Variants in LARP1 observed in about 807,000 individuals in gnomAD.
LARP1 encodes la-related protein 1.
In LARP1, 36 loss-of-function variants were observed where a neutral mutation model predicts 122.7. That is an observed-to-expected ratio of 0.29 (90% CI 0.22 to 0.39). LARP1 has a LOEUF of 0.39. LARP1 is among the 10% of genes least tolerant of loss of function. LARP1 has a pLI of 1.00. For synonymous variants in LARP1, 539 were observed against 528.7 expected, an observed-to-expected ratio of 1.02 and a Z score of -0.27; for missense variants, 1,040 against 1,403.6, an observed-to-expected ratio of 0.74 and a Z score of 4.14.
intron 1 of LARP1, among the ~76,000 whole-genome samples, chr5:154,742,746 A>G (rs987455433): frequency 1.3e-5 from 2 of 151,154 alleles, no homozygotes; most frequent in Admixed American, 6.6e-5. Context: ...AAAAAAAAAG[A>G]AAAAAGAAAA....
At position 154,814,291 on chromosome 5, in the gene LARP1, C is replaced by A; in HGVS notation, c.*195C>A. 1 of 546,940 alleles carries A rather than the reference C, an allele frequency of 1.8e-6. No homozygotes were observed. The highest frequency in any genetic ancestry group is 3.0e-5 in the East Asian group (1 of 32,820). 33.9% of individuals were successfully genotyped at this position (546,940 alleles called of 1,614,324 possible). A position where few individuals can be genotyped will look rare whatever the true frequency, so the allele number is the denominator to read the frequency against. ...CCCTGGGCAGGAGCCTCTACATCCCCTTCCCCCTCCTCTCTCCATGACTCT... is the reference window on the plus strand; with the variant it reads ...CCCTGGGCAGGAGCCTCTACATCCCATTCCCCCTCCTCTCTCCATGACTCT... On this transcript the variant is annotated 3_prime_UTR_variant, in exon 19 of 19. Transcript: ENST00000518297.
At chr5:154,769,564 C>G (rs939935539) in intron 1 of LARP1, among the ~76,000 whole-genome samples, 16 of 152,094 alleles carry the variant, frequency 1.1e-4, no homozygotes, top group African/African-American at 3.4e-4. Context: ...ACTCACCTAG[C>G]TTTGTGGCCA....
intron 1 of LARP1, among the ~76,000 whole-genome samples, chr5:154,776,933 A>G (rs1366772777): frequency 2.6e-5 from 4 of 152,370 alleles, no homozygotes; most frequent in African/African-American, 9.6e-5. Flanking sequence ...AATACATACT[A>G]AGGAATATAA....
chr5:154,796,121 T>TTATATATATTTTATATATTTATATTA lies in LARP1; in HGVS notation c.1377+826_1377+827insTATATATATATTTTATATATTTATAT, dbSNP rs1757813979. Among the ~76,000 whole-genome samples, 9 of 104,196 alleles carry TTATATATATTTTATATATTTATATTA rather than the reference T, an allele frequency of 8.6e-5. No individual in the cohort carries two copies. In the South Asian group the frequency reaches 1.5e-3, roughly 17 times the overall value. The allele number at this position is 104,196 out of a possible 152,430, so 68.4% of individuals were successfully genotyped here. A position where few individuals can be genotyped will look rare whatever the true frequency, so the allele number is the denominator to read the frequency against. ...TATATATTTATATATAGTATATATA[T>TTATATATATTTTATATATTTATATTA]TATATATATTTTATATATTTATATA... On this transcript the variant is annotated intron_variant, in intron 8 of 18. Transcript: ENST00000518297.
At chr5:154,729,944 A>G (rs756681202) in intron 1 of LARP1, among the ~76,000 whole-genome samples, 11 of 152,210 alleles carry the variant, frequency 7.2e-5, no homozygotes, top group Non-Finnish European at 1.2e-4. Context: ...CTGCATGACT[A>G]CAACTGCATG....
At chr5:154,791,978 C>T (rs369321059) in intron 3 of LARP1, 43 of 456,028 alleles carry the variant, frequency 9.4e-5, no homozygotes, top group East Asian at 6.3e-4. Context: ...AGGTTAATTA[C>T]TAGCCCTTGA....
At chr5:154,762,368 G>A (rs2113600866) in intron 1 of LARP1, among the ~76,000 whole-genome samples, 1 of 152,178 alleles carries the variant, frequency 6.6e-6, no homozygotes, top group South Asian at 2.1e-4. Flanking sequence ...GGGTTTATCT[G>A]TGCCTTTCCG....
chr5:154,686,309 G>A (rs1475640679), intron 1 of LARP1, among the ~76,000 whole-genome samples: 1 of 152,222 alleles, frequency 6.6e-6, no homozygotes, highest in Admixed American at 6.5e-5. Flanking sequence ...TGCTCCGGAA[G>A]AGGTGGTGTT....
chr5:154,692,113 A>G (rs934644318), intron 1 of LARP1, among the ~76,000 whole-genome samples: 14 of 152,206 alleles, frequency 9.2e-5, no homozygotes, highest in Admixed American at 3.9e-4. Flanking sequence ...TTTCGAAGGA[A>G]ACCTTCGCTG....
chr5:154,731,969 C>T (rs1756597102), intron 1 of LARP1, among the ~76,000 whole-genome samples: 1 of 151,336 alleles, frequency 6.6e-6, no homozygotes, highest in Non-Finnish European at 1.5e-5. Flanking sequence ...TTGCAGTGAG[C>T]CGAGATCACG....
intron 13 of LARP1, 96 bp from the exon 14 acceptor site, chr5:154,804,105 G>A (rs1758560810): frequency 1.1e-6 from 1 of 877,384 alleles, no homozygotes; most frequent in African/African-American, 1.7e-5. Flanking sequence ...GTTGTAAAAT[G>A]TGAGAGATCA....
intron 1 of LARP1, among the ~76,000 whole-genome samples, chr5:154,730,863 CTTTT>C (rs60848864): frequency 3.1e-5 from 4 of 127,760 alleles, no homozygotes; most frequent in East Asian, 2.3e-4. Flanking sequence ...ACCATTCTGA[CTTTT>C]TTTTTTTTTT....
rs770296890 is a variant in LARP1, at chr5:154,793,978, ACGCGGCCGGGGT to A, written c.1048_1059del (p.Arg350_Gly353del). 7 of 1,610,562 alleles carry A rather than the reference ACGCGGCCGGGGT, an allele frequency of 4.3e-6. No individual in the cohort carries two copies. Among genetic ancestry groups the A allele is most frequent in the Non-Finnish European group, 8.5e-7 (1 of 1,177,794 alleles). ...GACGGGGGCGTGGTCGCGGCCGGGG[ACGCGGCCGGGGT>A]GGCACTCGAAGTACGTGAGGCCCCT... On this transcript the variant is annotated inframe_deletion, in exon 6 of 19. Transcript: ENST00000518297.
In LARP1 at chr5:154,777,315, A is replaced by T. The variant is rs10463258; in HGVS notation, c.437-13010A>T. On this transcript the variant is annotated intron_variant, in intron 1 of 18. Coordinates refer to ENST00000518297, the MANE Select transcript of LARP1 (RefSeq NM_033551.3). ...CGCCTGAGGTCAGGAGTTCAAGAGCAGCCTGGCCAACGTGGTGAAACCCCA... is the reference window on the plus strand; with the variant it reads ...CGCCTGAGGTCAGGAGTTCAAGAGCTGCCTGGCCAACGTGGTGAAACCCCA... Among the ~76,000 whole-genome samples, 1,234 of 152,076 alleles carry T rather than the reference A, an allele frequency of 8.1e-3. 39 individuals carry two copies. In the South Asian group the frequency reaches 0.092, roughly 11 times the overall value.
intron 1 of LARP1, among the ~76,000 whole-genome samples, chr5:154,783,465 G>A (rs935764723): frequency 2.0e-5 from 3 of 152,128 alleles, no homozygotes; most frequent in African/African-American, 7.2e-5. Context: ...TGATGCCCAG[G>A]CATCCCTGCT....
upstream of LARP1, among the ~76,000 whole-genome samples, chr5:154,709,625 T>A (rs938030756): frequency 6.6e-5 from 6 of 91,352 alleles, no homozygotes; most frequent in South Asian, 3.4e-4. Context: ...TTTTTTTTTT[T>A]ACTCATTTTG....
At chr5:154,777,339 C>T (rs1283207904) in intron 1 of LARP1, among the ~76,000 whole-genome samples, 1 of 150,390 alleles carries the variant, frequency 6.6e-6, no homozygotes, top group East Asian at 1.9e-4. Flanking sequence ...GGTGAAACCC[C>T]ATCTCTGCTA....
chr5:154,701,223 T>G (rs533284236), intron 1 of LARP1, among the ~76,000 whole-genome samples: 1 of 152,294 alleles, frequency 6.6e-6, no homozygotes, highest in East Asian at 1.9e-4. Context: ...AAAACAGGTC[T>G]TTTGGCAGAC....
At chr5:154,698,204 T>G (rs1011205787) in intron 1 of LARP1, among the ~76,000 whole-genome samples, 1 of 152,202 alleles carries the variant, frequency 6.6e-6, no homozygotes, top group Admixed American at 6.6e-5. Flanking sequence ...CAATGTGTAA[T>G]CATCAAATCA....
Sources: gnomAD v4.1 joint callset for allele counts (sites outside exome capture counted in the v4.1 genomes callset) on GRCh38, gnomAD v4.1.1 for gene constraint, MANE v1.5 for transcripts, NCBI Gene and HGNC (gene_info 2026-07-23, HGNC 2026-07-21) for gene names.